The following ZNF546 variants were observed in gnomAD, a reference collection of about 807,000 sequenced individuals.
The protein encoded by ZNF546 is zinc finger protein 546.
A neutral mutation model predicts 76.2 loss-of-function variants in ZNF546; 60 were observed. The ratio of observed to expected loss-of-function variants is 0.79; its 90% confidence interval spans 0.64 to 0.98. ZNF546 has a LOEUF of 0.98. Among genes scored for constraint, ZNF546 ranks in the 50% least tolerant of loss-of-function variants. ZNF546 has a pLI of 0.00. For missense variants in ZNF546, 936 were observed against 1,035.6 expected (o/e 0.90, Z 1.32); for synonymous variants, 277 against 328.1 (o/e 0.84, Z 1.68).
intron 6 of ZNF546, among the ~76,000 whole-genome samples, chr19:40,012,298 C>G (rs542447894): frequency 6.6e-6 from 1 of 152,104 alleles, no homozygotes; most frequent in Non-Finnish European, 1.5e-5. Flanking sequence ...AATGACTTTT[C>G]CATTTATACT....
chr19:40,016,070 A>C lies in ZNF546; in HGVS notation c.*289A>C, dbSNP rs561034554. The C allele has an allele frequency of 5.1e-6, 2 of 394,396 alleles. No individual in the cohort carries two copies. The highest frequency in any genetic ancestry group is 4.9e-5 in the South Asian group (2 of 40,444). 24.4% of individuals were successfully genotyped at this position (394,396 alleles called of 1,614,324 possible). On this transcript the variant is annotated 3_prime_UTR_variant, in exon 7 of 7. Transcript: ENST00000347077. Reference sequence around the variant, plus strand: ...AATGCAATAATAATGGGCCAGGTGAAGTGGCTCACACCTGTAATCCCAGCA... The same window carrying C: ...AATGCAATAATAATGGGCCAGGTGACGTGGCTCACACCTGTAATCCCAGCA...
At chr19:40,012,527 A>G (rs1231889079) in intron 6 of ZNF546, among the ~76,000 whole-genome samples, 2 of 151,856 alleles carry the variant, frequency 1.3e-5, no homozygotes, top group East Asian at 3.8e-4. Flanking sequence ...TCTTCCAAAT[A>G]AGAAAGGGGT....
At chr19:40,011,595 T>TAA (rs1971673001) in intron 6 of ZNF546, among the ~76,000 whole-genome samples, 2 of 152,330 alleles carry the variant, frequency 1.3e-5, no homozygotes, top group South Asian at 4.1e-4. Context: ...CCAGAAACTT[T>TAA]AAGATAAGGG....
Position 40,015,172 on chromosome 19 carries a change from A to G in ZNF546, c.1902A>G (p.Glu634=). Residue 634 remains glutamate, a synonymous_variant, in exon 7 of 7, where the codon GAA becomes GAG. Coordinates refer to ENST00000347077, the MANE Select transcript of ZNF546 (RefSeq NM_178544.5). ...LTQHHRIHTG[E]KPYKCTECGK... ...AGCATCACAGAATTCATACTGGTGA[A>G]AAACCCTATAAATGTACAGAATGTG... 6.2e-7 allele frequency: 1 copy of G among 1,613,016 alleles called. No individual in the cohort carries two copies. Among genetic ancestry groups the G allele is most frequent in the Non-Finnish European group, 8.5e-7 (1 of 1,179,722 alleles).
In ZNF546 at chr19:40,006,195, T is replaced by C. The variant is rs200812690; in HGVS notation, c.171+13T>C. ...AACCATGGCCAATGTAAGTTTGTGTTTTTCTTCCTTGAAATACTGTGTTTT... is the reference window on the plus strand; with the variant it reads ...AACCATGGCCAATGTAAGTTTGTGTCTTTCTTCCTTGAAATACTGTGTTTT... On this transcript the variant is annotated intron_variant, in intron 4 of 6. Coordinates refer to ENST00000347077, the MANE Select transcript of ZNF546 (RefSeq NM_178544.5). 2.6e-5 allele frequency: 41 copies of C among 1,606,364 alleles called. No homozygotes were observed. The highest frequency in any genetic ancestry group is 3.5e-5 in the Non-Finnish European group (41 of 1,174,784).
intron 6 of ZNF546, among the ~76,000 whole-genome samples, chr19:40,008,960 A>G (rs1456021721): frequency 6.6e-6 from 1 of 152,192 alleles, no homozygotes; most frequent in Non-Finnish European, 1.5e-5. Context: ...GCTAGAGTTT[A>G]GGCACTACTG....
chr19:40,014,558 C>G lies in ZNF546; in HGVS notation c.1288C>G (p.Arg430Gly). The G allele has an allele frequency of 1.9e-6, 3 of 1,613,936 alleles. No homozygotes were observed. Among genetic ancestry groups the G allele is most frequent in the Non-Finnish European group, 1.7e-6 (2 of 1,180,016 alleles). ...KSFSFHAELARHRRIHTGEKP... is the reference protein window; with the variant it reads ...KSFSFHAELAGHRRIHTGEKP... Reference sequence around the variant, plus strand: ...CTTTAGTTTTCATGCAGAACTTGCTCGACATCGTAGAATTCATACTGGTGA... The same window carrying G: ...CTTTAGTTTTCATGCAGAACTTGCTGGACATCGTAGAATTCATACTGGTGA... The change falls in exon 7 of 7, where the codon CGA (arginine) becomes GGA (glycine). Residue 430 changes from arginine (R) to glycine (G), a missense_variant. By Grantham distance (125) the Arg-to-Gly change is moderately radical (BLOSUM62 -2). Transcript: ENST00000347077.
At position 40,015,461 on chromosome 19, in the gene ZNF546, AGTC is replaced by A; in HGVS notation, c.2196_2198del (p.Arg733del). The stretch of plus-strand genomic sequence containing the variant: ...ATGTAAGGAATGTGGAAAGACCTTT[AGTC>A]GTCGGTATCATCTTACTCAACATTT... On this transcript the variant is annotated inframe_deletion, in exon 7 of 7. Transcript: ENST00000347077. 1 of 1,614,212 alleles carries A rather than the reference AGTC, an allele frequency of 6.2e-7. No homozygotes were observed.
intron 3 of ZNF546, 27 bp from the exon 4 acceptor site, chr19:40,006,069 C>T (rs202246974): frequency 6.3e-7 from 1 of 1,598,978 alleles, no homozygotes; most frequent in African/African-American, 1.3e-5. Flanking sequence ...CACATCTGGT[C>T]TCAGAGTCAC....
chr19:40,001,746 T>G (rs1405291358), intron 3 of ZNF546, among the ~76,000 whole-genome samples: 3 of 152,164 alleles, frequency 2.0e-5, no homozygotes, highest in African/African-American at 7.2e-5. Flanking sequence ...AAGGCTCAGC[T>G]CTGAAATACT....
intron 5 of ZNF546, among the ~76,000 whole-genome samples, chr19:40,007,918 T>C (rs1971624328): frequency 6.6e-6 from 1 of 152,222 alleles, no homozygotes; most frequent in African/African-American, 2.4e-5. Flanking sequence ...ATTGACATTT[T>C]CTGTTGAAGG....
chr19:39,999,558 T>C (rs1971499708), intron 3 of ZNF546: 1 of 151,790 alleles, frequency 6.6e-6, no homozygotes, highest in Non-Finnish European at 1.5e-5. Context: ...ATTAACACTT[T>C]GGGGAGCTAT....
At chr19:40,010,670 C>G (rs1244079973) in intron 6 of ZNF546, among the ~76,000 whole-genome samples, 7 of 151,998 alleles carry the variant, frequency 4.6e-5, no homozygotes, top group Admixed American at 3.9e-4. Context: ...GTCTTCTGCT[C>G]ATTCTCTTTG....
Position 40,015,892 on chromosome 19 carries a change from T to C in ZNF546, c.*111T>C. ...AATCCCTTTTACTTCATGCTCACAA[T>C]TTATCAGAAATTATTTCGTATGTTA... On this transcript the variant is annotated 3_prime_UTR_variant, in exon 7 of 7. Coordinates refer to ENST00000347077, the MANE Select transcript of ZNF546 (RefSeq NM_178544.5). 1.0e-6 allele frequency: 1 copy of C among 965,230 alleles called. No homozygotes were observed. The highest frequency in any genetic ancestry group is 1.6e-6 in the Non-Finnish European group (1 of 621,196). The allele number at this position is 965,230 out of a possible 1,614,324, so 59.8% of individuals were successfully genotyped here.
chr19:40,012,589 C>CTAT (rs1971686413), intron 6 of ZNF546, among the ~76,000 whole-genome samples: 1 of 152,062 alleles, frequency 6.6e-6, no homozygotes, highest in Non-Finnish European at 1.5e-5. Flanking sequence ...ACGAGAAACT[C>CTAT]TATTCTAAAG....
rs115115932 is a variant in ZNF546 at position 40,009,004 on chromosome 19, T to C, written c.394+439T>C. ...TCTTGTCACAGAGATGTTGATATTA[T>C]AGTAAGGGAAACATGTTGTCAATAC... On this transcript the variant is annotated intron_variant, in intron 6 of 6. Coordinates refer to ENST00000347077, the MANE Select transcript of ZNF546 (RefSeq NM_178544.5). Among the ~76,000 whole-genome samples the C allele has an allele frequency of 4.3e-3, 660 of 152,304 alleles. 4 individuals carry two copies. The highest frequency in any genetic ancestry group is 0.015 in the African/African-American group (636 of 41,570).
At position 40,014,775 on chromosome 19, in the gene ZNF546, G is replaced by A; in HGVS notation, c.1505G>A (p.Cys502Tyr). The A allele has an allele frequency of 2.5e-6, 4 of 1,613,820 alleles. No individual in the cohort carries two copies. Among genetic ancestry groups the A allele is most frequent in the Non-Finnish European group, 3.4e-6 (4 of 1,180,010 alleles). ...TGEIPYECKE[C>Y]GKTFSSRYHL... The stretch of plus-strand genomic sequence containing the variant: ...GAGATTCCCTATGAATGTAAGGAAT[G>A]TGGAAAAACCTTCAGTAGTCGCTAT... Residue 502 changes from cysteine to tyrosine, a missense_variant, in exon 7 of 7, where the codon TGT (cysteine) becomes TAT (tyrosine). Coordinates refer to ENST00000347077, the MANE Select transcript of ZNF546 (RefSeq NM_178544.5).
chr19:40,015,166 T>C lies in ZNF546; in HGVS notation c.1896T>C (p.Thr632=). The change falls in exon 7 of 7, where the codon ACT becomes ACC. Residue 632 remains threonine, a synonymous_variant. Coordinates refer to ENST00000347077, the MANE Select transcript of ZNF546 (RefSeq NM_178544.5). ...TTACTCAGCATCACAGAATTCATAC[T>C]GGTGAAAAACCCTATAAATGTACAG... The part of the protein sequence containing the change: ...TELTQHHRIH[T]GEKPYKCTEC... 1.9e-6 allele frequency: 3 copies of C among 1,613,848 alleles called. No individual in the cohort carries two copies. The highest frequency in any genetic ancestry group is 2.5e-6 in the Non-Finnish European group (3 of 1,179,950).
intron 4 of ZNF546, 54 bp downstream of exon 4, chr19:40,006,236 A>T: frequency 6.6e-7 from 1 of 1,509,492 alleles, no homozygotes. Context: ...TCATGTGATC[A>T]TTGAAGTCTC....
Sources: gnomAD v4.1 joint callset for allele counts (sites outside exome capture counted in the v4.1 genomes callset) on GRCh38, gnomAD v4.1.1 for gene constraint, MANE v1.5 for transcripts, NCBI Gene and HGNC (gene_info 2026-07-23, HGNC 2026-07-21) for gene names.